CRIPT: variants seen among roughly 807,000 people sequenced by gnomAD.
CRIPT encodes the protein cysteine-rich PDZ-binding protein.
A neutral mutation model predicts 16.6 loss-of-function variants in CRIPT; 20 were observed. That is an observed-to-expected ratio of 1.20 (90% CI 0.85 to 1.75). The LOEUF (loss-of-function observed/expected upper bound fraction) is 1.75. Ranked by LOEUF, CRIPT falls within the 40% of genes most tolerant of loss-of-function variation. CRIPT has a pLI of 0.00. For synonymous variants in CRIPT, 42 were observed against 37.0 expected (o/e 1.14, Z -0.49); for missense variants, 133 against 115.3 (o/e 1.15, Z -0.70).
chr2:46,617,370 C>G (rs572519181), intron 1 of CRIPT, 72 bp downstream of exon 1: 5 of 1,500,876 alleles, frequency 3.3e-6, no homozygotes, highest in South Asian at 2.5e-5. Flanking sequence ...GGGAACTTTG[C>G]TTTCTCGTTG....
chr2:46,628,357 G>A lies in CRIPT; in HGVS notation c.*4130G>A, dbSNP rs561161575. Among the ~76,000 whole-genome samples the A allele has an allele frequency of 5.9e-5, 9 of 151,908 alleles. No individual in the cohort carries two copies. In the East Asian group the frequency reaches 7.7e-4, roughly 13 times the overall value. The stretch of plus-strand genomic sequence containing the variant: ...GAACTCCTGACGTTGTGATCCACCC[G>A]CCTCAGCCTCCCAAAGTGCTGGGAT... On this transcript the variant is annotated 3_prime_UTR_variant, in exon 5 of 5. Transcript: ENST00000238892.
In CRIPT at chr2:46,625,125, T is replaced by C. The variant is rs989790050; in HGVS notation, c.*898T>C. On this transcript the variant is annotated 3_prime_UTR_variant, in exon 5 of 5. Transcript: ENST00000238892. ...GCTCACTCTGTTGCCCAGGGTGGAG[T>C]GCAGAGGTATCATCAGGCTCTCTGC... 1 of 144,120 alleles carries C rather than the reference T, an allele frequency of 6.9e-6. No individual in the cohort carries two copies. Among genetic ancestry groups the C allele is most frequent in the Admixed American group, 7.2e-5 (1 of 13,882 alleles). The allele number at this position is 144,120 out of a possible 1,614,324, so 8.9% of individuals were successfully genotyped here. A position where few individuals can be genotyped will look rare whatever the true frequency, so the allele number is the denominator to read the frequency against.
Position 46,626,407 on chromosome 2 carries a change from G to T in CRIPT, c.*2180G>T, listed in dbSNP as rs1670940655. Among the ~76,000 whole-genome samples, 1 of 152,234 alleles carries T rather than the reference G, an allele frequency of 6.6e-6. No individual in the cohort carries two copies. Among genetic ancestry groups the T allele is most frequent in the African/African-American group, 2.4e-5 (1 of 41,446 alleles). On this transcript the variant is annotated 3_prime_UTR_variant, in exon 5 of 5. Coordinates refer to ENST00000238892, the MANE Select transcript of CRIPT (RefSeq NM_014171.6). ...TGCTGTGATGAATATGTGAGTGTAT[G>T]TGTCTTTTTGGTAGAACAATTTATT...
rs892736491 is a variant in CRIPT at position 46,617,409 on chromosome 2, C to G, written c.16+111C>G. On this transcript the variant is annotated intron_variant, in intron 1 of 4. Coordinates refer to ENST00000238892, the MANE Select transcript of CRIPT (RefSeq NM_014171.6). Reference sequence around the variant, plus strand: ...TTTCTTCGCCCACAGGTCTCAGATTCTATCCGCTGTCTTTCTACCCTACCC... The same window carrying G: ...TTTCTTCGCCCACAGGTCTCAGATTGTATCCGCTGTCTTTCTACCCTACCC... 1.6e-5 allele frequency: 19 copies of G among 1,224,000 alleles called. No individual in the cohort carries two copies. In the African/African-American group the frequency reaches 1.8e-4, roughly 12 times the overall value. 75.8% of individuals were successfully genotyped at this position (1,224,000 alleles called of 1,614,324 possible). A position where few individuals can be genotyped will look rare whatever the true frequency, so the allele number is the denominator to read the frequency against.
Position 46,623,745 on chromosome 2 carries a change from C to G in CRIPT, c.138-19C>G. On this transcript the variant is annotated intron_variant, in intron 3 of 4. Coordinates refer to ENST00000238892, the MANE Select transcript of CRIPT (RefSeq NM_014171.6). ...TCTAGTGTAATATACAATTTTCTCT[C>G]TTTAAAAAAAATTTCTAGATTTGAT... The G allele has an allele frequency of 1.4e-6, 2 of 1,476,090 alleles. No homozygotes were observed. The highest frequency in any genetic ancestry group is 1.8e-4 in the Middle Eastern group (1 of 5,514). 91.4% of individuals were successfully genotyped at this position (1,476,090 alleles called of 1,614,324 possible). A position where few individuals can be genotyped will look rare whatever the true frequency, so the allele number is the denominator to read the frequency against.
At chr2:46,618,713 A>G (rs1558716862) in intron 1 of CRIPT, 60 bp from the exon 2 acceptor site, 2 of 1,099,340 alleles carry the variant, frequency 1.8e-6, no homozygotes, top group Non-Finnish European at 2.7e-6. Flanking sequence ...CTTAGGCACA[A>G]TGTAATGCAC....
At position 46,627,801 on chromosome 2, in the gene CRIPT, G is replaced by T. The variant is rs1410845961; in HGVS notation, c.*3574G>T. ...GTAATTTTATATATATGGTGAAAGG[G>T]GTCCAGTTTGAGTCTTCTGCATATG... On this transcript the variant is annotated 3_prime_UTR_variant, in exon 5 of 5. Coordinates refer to ENST00000238892, the MANE Select transcript of CRIPT (RefSeq NM_014171.6). 6.6e-6 allele frequency among the ~76,000 whole-genome samples: 1 copy of T among 151,988 alleles called. No homozygotes were observed. Among genetic ancestry groups the T allele is most frequent in the Non-Finnish European group, 1.5e-5 (1 of 67,994 alleles).
At chr2:46,619,703 T>C (rs1315049876) in intron 3 of CRIPT, 22 bp downstream of exon 3, 6 of 1,586,590 alleles carry the variant, frequency 3.8e-6, no homozygotes, top group Non-Finnish European at 5.2e-6. Context: ...GATCCATCGA[T>C]GGGTCACATA....
intron 3 of CRIPT, among the ~76,000 whole-genome samples, chr2:46,620,674 T>G (rs865969943): frequency 6.6e-4 from 88 of 134,058 alleles, no homozygotes; most frequent in African/African-American, 2.5e-3. Context: ...GGCTTTAAAT[T>G]CAAGCTATAT....
chr2:46,618,199 AT>A (rs1338264961), intron 1 of CRIPT, among the ~76,000 whole-genome samples: 1 of 150,924 alleles, frequency 6.6e-6, no homozygotes, highest in Non-Finnish European at 1.5e-5. Context: ...TATACTTTTT[AT>A]TTTTTAAGCT....
chr2:46,622,037 G>A (rs1670817004), intron 3 of CRIPT, among the ~76,000 whole-genome samples: 1 of 152,164 alleles, frequency 6.6e-6, no homozygotes, highest in Non-Finnish European at 1.5e-5. Flanking sequence ...TTTATAAGAT[G>A]CATTGTTACT....
rs1468556424 is a variant in CRIPT, at chr2:46,626,741, T to C, written c.*2514T>C. ...GTAATGTTGAGCATTTTTTCATGTT[T>C]GTTAACCGCTTGTATGTTGTCTTTT... is the stretch of plus-strand genomic sequence containing the variant. On this transcript the variant is annotated 3_prime_UTR_variant, in exon 5 of 5. Transcript: ENST00000238892. Among the ~76,000 whole-genome samples, 1 of 152,218 alleles carries C rather than the reference T, an allele frequency of 6.6e-6. No homozygotes were observed. The highest frequency in any genetic ancestry group is 1.5e-5 in the Non-Finnish European group (1 of 68,038).
At position 46,628,875 on chromosome 2, in the gene CRIPT, C is replaced by T. The variant is rs1572798796; in HGVS notation, c.*4648C>T. 1.3e-5 allele frequency among the ~76,000 whole-genome samples: 2 copies of T among 152,106 alleles called. No individual in the cohort carries two copies. Among genetic ancestry groups the T allele is most frequent in the East Asian group, 3.8e-4 (2 of 5,200 alleles). On this transcript the variant is annotated 3_prime_UTR_variant, in exon 5 of 5. Transcript: ENST00000238892. ...AAGATGACAGAATTAAGGCCTTATG[C>T]CACAGCCAGAGTTGAAAAATGCAGA...
chr2:46,620,686 T>TTATATA (rs34432167), intron 3 of CRIPT, among the ~76,000 whole-genome samples: 4 of 145,370 alleles, frequency 2.8e-5, no homozygotes, highest in East Asian at 2.0e-4. Context: ...AAGCTATATG[T>TTATATA]TATATATATA....
intron 3 of CRIPT, among the ~76,000 whole-genome samples, chr2:46,622,004 G>A (rs1162431158): frequency 6.6e-6 from 1 of 152,136 alleles, no homozygotes; most frequent in Non-Finnish European, 1.5e-5. Flanking sequence ...CTACAGTATT[G>A]CTTGGAATCT....
At chr2:46,619,790 G>C (rs1197550180) in intron 3 of CRIPT, 109 bp downstream of exon 3, 6 of 834,640 alleles carry the variant, frequency 7.2e-6, no homozygotes, top group South Asian at 1.7e-5. Context: ...AACAGAGTTA[G>C]GTGGTTCCTA....
rs73926531 is a variant in CRIPT at position 46,618,080 on chromosome 2, C to T, written c.17-693C>T. Among the ~76,000 whole-genome samples, 581 of 151,062 alleles carry T rather than the reference C, an allele frequency of 3.8e-3. 3 individuals are homozygous for T. The highest frequency in any genetic ancestry group is 0.013 in the African/African-American group (549 of 41,046). On this transcript the variant is annotated intron_variant, in intron 1 of 4. Transcript: ENST00000238892. ...TGTTCACAGTCCTATTGCCACATATCCAAATCCTCTGTCTTGCCTTCTCCC... is the reference window on the plus strand; with the variant it reads ...TGTTCACAGTCCTATTGCCACATATTCAAATCCTCTGTCTTGCCTTCTCCC...
At chr2:46,624,059 T>C (rs548940909) in intron 4 of CRIPT, 104 bp from the exon 5 acceptor site, 2 of 591,558 alleles carry the variant, frequency 3.4e-6, no homozygotes, top group South Asian at 1.0e-4. Context: ...TTTCTTTTCT[T>C]TTCTTTCCTG....
rs1670913669 is a variant in CRIPT, at chr2:46,625,381, T to A, written c.*1154T>A. 6.8e-6 allele frequency: 1 copy of A among 146,856 alleles called. No homozygotes were observed. The highest frequency in any genetic ancestry group is 1.5e-5 in the Non-Finnish European group (1 of 66,460). 9.1% of individuals were successfully genotyped at this position (146,856 alleles called of 1,614,324 possible). On this transcript the variant is annotated 3_prime_UTR_variant, in exon 5 of 5. Coordinates refer to ENST00000238892, the MANE Select transcript of CRIPT (RefSeq NM_014171.6). ...CACAGAACTTGGCCTCTCTCTTTTT[T>A]TTTTTTTTTTTTTTTTTTTTTTAAC...
Sources: gnomAD v4.1 joint callset for allele counts (sites outside exome capture counted in the v4.1 genomes callset) on GRCh38, gnomAD v4.1.1 for gene constraint, MANE v1.5 for transcripts, NCBI Gene and HGNC (gene_info 2026-07-23, HGNC 2026-07-21) for gene names.